The following SLC25A31 variants were observed in gnomAD, a reference collection of about 807,000 sequenced individuals.
The protein encoded by SLC25A31 is ADP/ATP translocase 4.
A neutral mutation model predicts 36.2 loss-of-function variants in SLC25A31; 40 were observed. The observed-to-expected ratio is 1.10, with a 90% CI of 0.86 to 1.44. The LOEUF is 1.44. Among genes scored for constraint, SLC25A31 ranks in the 40% most tolerant of loss-of-function variants. The pLI, the probability that SLC25A31 is intolerant of heterozygous loss-of-function variation, is 0.00. For missense variants in SLC25A31, 350 were observed against 397.1 expected (o/e 0.88, Z 1.01); for synonymous variants, 143 against 149.7 (o/e 0.96, Z 0.32).
intron 2 of SLC25A31, 39 bp from the exon 3 acceptor site, chr4:127,764,204 C>A: frequency 6.6e-7 from 1 of 1,513,598 alleles, no homozygotes; most frequent in Non-Finnish European, 9.1e-7. Context: ...CAGTTAGATT[C>A]TGTGGTTTAA....
At chr4:127,752,268 AG>A (rs1731948260) in intron 2 of SLC25A31, among the ~76,000 whole-genome samples, 1 of 152,162 alleles carries the variant, frequency 6.6e-6, no homozygotes, top group South Asian at 2.1e-4. Context: ...TGTCCTTTGT[AG>A]GGACATGGAT....
chr4:127,743,156 G>A (rs1260695795), intron 1 of SLC25A31, among the ~76,000 whole-genome samples: 1 of 147,144 alleles, frequency 6.8e-6, no homozygotes, highest in African/African-American at 2.5e-5. Context: ...TTGAAGACAG[G>A]TTCTTATTCT....
chr4:127,748,083 C>T (rs915808766), intron 2 of SLC25A31, among the ~76,000 whole-genome samples: 27 of 152,116 alleles, frequency 1.8e-4, no homozygotes, highest in African/African-American at 3.9e-4. Flanking sequence ...GTATCATAGG[C>T]GTGGAATGTG....
In SLC25A31 at chr4:127,767,116, G is replaced by C; in HGVS notation, c.529G>C (p.Ala177Pro). The C allele has an allele frequency of 6.2e-7, 1 of 1,613,806 alleles. No individual in the cohort carries two copies. Residue 177 changes from alanine to proline, a missense_variant, in exon 4 of 6, where the codon GCA (alanine) becomes CCA (proline). Transcript: ENST00000281154. ...KGLGDCIMKIAKSDGIAGLYQ... is the reference protein window; with the variant it reads ...KGLGDCIMKIPKSDGIAGLYQ... ...TTTAGGTGACTGTATTATGAAAATAGCAAAATCAGATGGAATTGCTGGTTT... is the reference window on the plus strand; with the variant it reads ...TTTAGGTGACTGTATTATGAAAATACCAAAATCAGATGGAATTGCTGGTTT...
chr4:127,762,458 C>G (rs936331043), intron 2 of SLC25A31, among the ~76,000 whole-genome samples: 2 of 152,020 alleles, frequency 1.3e-5, no homozygotes, highest in African/African-American at 4.8e-5. Context: ...TATAACAGGC[C>G]TGGGGTTTCT....
At chr4:127,762,377 A>G (rs555025126) in intron 2 of SLC25A31, among the ~76,000 whole-genome samples, 2 of 152,276 alleles carry the variant, frequency 1.3e-5, no homozygotes, top group South Asian at 4.1e-4. Context: ...AGGATAAGCA[A>G]ATATATAGAG....
chr4:127,765,213 TC>T (rs1381223906), intron 3 of SLC25A31, among the ~76,000 whole-genome samples: 1 of 152,180 alleles, frequency 6.6e-6, no homozygotes, highest in African/African-American at 2.4e-5. Flanking sequence ...ATATTGAGCA[TC>T]TCCCTGCTCC....
At chr4:127,747,546 A>T (rs1176787653) in intron 2 of SLC25A31, among the ~76,000 whole-genome samples, 1 of 152,038 alleles carries the variant, frequency 6.6e-6, no homozygotes, top group East Asian at 1.9e-4. Flanking sequence ...TCTCTTTGTG[A>T]CTGTATGAGG....
chr4:127,733,626 G>C (rs141869759), intron 1 of SLC25A31, among the ~76,000 whole-genome samples: 53 of 152,164 alleles, frequency 3.5e-4, no homozygotes, highest in African/African-American at 1.3e-3. Flanking sequence ...TTTTTGGTAT[G>C]GTCATGACCT....
intron 2 of SLC25A31, among the ~76,000 whole-genome samples, chr4:127,761,114 C>A (rs187564612): frequency 6.4e-4 from 98 of 152,268 alleles, no homozygotes; most frequent in African/African-American, 2.2e-3. Context: ...TGGGCAGATT[C>A]TTACTGCCTT....
chr4:127,739,352 A>C (rs1486301205), intron 1 of SLC25A31, among the ~76,000 whole-genome samples: 1 of 151,996 alleles, frequency 6.6e-6, no homozygotes, highest in African/African-American at 2.4e-5. Flanking sequence ...TTCATGTATA[A>C]AATTTAGTTT....
Position 127,744,783 on chromosome 4 carries a change from T to A in SLC25A31, c.344T>A (p.Val115Asp). Residue 115 changes from valine (V) to aspartate (D), a missense_variant, in exon 2 of 6, where the codon GTT becomes GAT. Transcript: ENST00000281154. ...DKYKQLFMSG[V>D]NKEKQFWRWF... is the part of the protein sequence containing the mutation. ...TACAAGCAGCTATTCATGTCTGGAG[T>A]TAATAAAGAAAAACAGGTAATTATA... 6.5e-7 allele frequency: 1 copy of A among 1,528,700 alleles called. No homozygotes were observed. Among genetic ancestry groups the A allele is most frequent in the Non-Finnish European group, 8.8e-7 (1 of 1,132,372 alleles). The allele number at this position is 1,528,700 out of a possible 1,614,324, so 94.7% of individuals were successfully genotyped here.
At chr4:127,730,909 T>C in intron 1 of SLC25A31, 132 bp downstream of exon 1, 1 of 891,698 alleles carries the variant, frequency 1.1e-6, no homozygotes, top group Non-Finnish European at 1.7e-6. Context: ...TGAATTTGCT[T>C]CTTACCCTTC....
chr4:127,749,708 C>CAAAAAAAAAAAAAAAAAAAAAAAAAA (rs34540386), intron 2 of SLC25A31, among the ~76,000 whole-genome samples: 3 of 106,150 alleles, frequency 2.8e-5, no homozygotes, highest in African/African-American at 1.1e-4. Context: ...GACTCCATCT[C>CAAAAAAAAAAAAAAAAAAAAAAAAAA]AAAAAAAAAA....
At chr4:127,765,280 G>A (rs754266915) in intron 3 of SLC25A31, among the ~76,000 whole-genome samples, 1 of 152,106 alleles carries the variant, frequency 6.6e-6, no homozygotes, top group Non-Finnish European at 1.5e-5. Context: ...GTCTTTCTGA[G>A]GTTATTGTGA....
intron 1 of SLC25A31, among the ~76,000 whole-genome samples, chr4:127,736,115 T>C (rs1731628929): frequency 6.6e-6 from 1 of 151,704 alleles, no homozygotes; most frequent in African/African-American, 2.4e-5. Context: ...GGTCTCGATC[T>C]CCTGACCTCG....
intron 2 of SLC25A31, among the ~76,000 whole-genome samples, chr4:127,759,621 A>T (rs956081283): frequency 6.6e-6 from 1 of 152,102 alleles, no homozygotes; most frequent in African/African-American, 2.4e-5. Context: ...CAGAAGGGAG[A>T]TTATAGATTA....
At position 127,756,797 on chromosome 4, in the gene SLC25A31, A is replaced by G. The variant is rs1732039838; in HGVS notation, c.361-7446A>G. 2.0e-5 allele frequency among the ~76,000 whole-genome samples: 3 copies of G among 152,182 alleles called. No individual in the cohort carries two copies. In the South Asian group the frequency reaches 6.2e-4, roughly 31 times the overall value. On this transcript the variant is annotated intron_variant, in intron 2 of 5. Transcript: ENST00000281154. ...ACAACAAAATAAGATATCACTAAATACCTACAATAATGATAACACCAAATT... is the reference window on the plus strand; with the variant it reads ...ACAACAAAATAAGATATCACTAAATGCCTACAATAATGATAACACCAAATT...
chr4:127,735,928 C>T (rs1411159335), intron 1 of SLC25A31, among the ~76,000 whole-genome samples: 2 of 139,998 alleles, frequency 1.4e-5, no homozygotes, highest in Non-Finnish European at 3.0e-5. Flanking sequence ...CTCGCTCTGT[C>T]GCCCAGGCTG....
Sources: allele counts gnomAD v4.1 joint callset (sites outside exome capture counted in the v4.1 genomes callset), GRCh38; gene constraint gnomAD v4.1.1; transcripts MANE v1.5; gene names NCBI Gene and HGNC (gene_info 2026-07-23, HGNC 2026-07-21).